Variants in ATP8B4 observed in about 807,000 individuals in gnomAD.
ATP8B4 encodes ATPase phospholipid transporting 8B4 (putative).
ATP8B4 carries 133 observed loss-of-function variants against 145.6 expected under a neutral mutation model. That is an observed-to-expected ratio of 0.91 (90% confidence interval 0.79 to 1.05). The LOEUF (loss-of-function observed/expected upper bound fraction) is 1.05. ATP8B4 is among the 50% of genes least tolerant of loss of function. ATP8B4 has a pLI of 0.00. For missense variants in ATP8B4, 1,458 were observed against 1,425.2 expected (o/e 1.02, Z -0.37); for synonymous variants, 507 against 492.9 (o/e 1.03, Z -0.38).
chr15:49,867,746 C>T (rs115223148), intron 25 of ATP8B4, among the ~76,000 whole-genome samples: 3,289 of 152,160 alleles, frequency 0.022, 127 homozygotes, highest in African/African-American at 0.076. Flanking sequence ...AGCACGATAA[C>T]AACAACAAAA....
chr15:50,156,424 C>T (rs1567410834), intron 1 of ATP8B4, among the ~76,000 whole-genome samples: 1 of 151,918 alleles, frequency 6.6e-6, no homozygotes. Context: ...TTTCCAAAAG[C>T]TCTTTAGGCA....
intron 14 of ATP8B4, among the ~76,000 whole-genome samples, chr15:49,960,827 TG>T (rs1158449896): frequency 1.3e-5 from 2 of 151,786 alleles, no homozygotes; most frequent in Non-Finnish European, 2.9e-5. Flanking sequence ...TAGAAGAAAA[TG>T]GGTAAAAAAA....
chr15:50,180,299 A>G (rs1160424933), intron 1 of ATP8B4, among the ~76,000 whole-genome samples: 1 of 152,220 alleles, frequency 6.6e-6, no homozygotes, highest in African/African-American at 2.4e-5. Context: ...CAAAAACCAG[A>G]GAGCCTGAAT....
At position 50,012,246 on chromosome 15, in the gene ATP8B4, T is replaced by A. The variant is rs149245450; in HGVS notation, c.363-1329A>T. On this transcript the variant is annotated intron_variant, in intron 6 of 27. Coordinates refer to ENST00000284509, the MANE Select transcript of ATP8B4 (RefSeq NM_024837.4). ...CCTAGAGACACCTCCTCTGGCACCT[T>A]AGTGACACTTCTCAGCAAACAGCAT... is the stretch of plus-strand genomic sequence containing the variant. Among the ~76,000 whole-genome samples, 6 of 152,264 alleles carry A rather than the reference T, an allele frequency of 3.9e-5. No homozygotes were observed. The East Asian group carries it at 9.6e-4, about 24-fold the overall frequency.
At chr15:49,879,337 A>G (rs746271986) in intron 24 of ATP8B4, 39 bp downstream of exon 24, 3 of 1,548,414 alleles carry the variant, frequency 1.9e-6, no homozygotes, top group Non-Finnish European at 1.8e-6. Context: ...AAAAGGCATA[A>G]AAGAGAAACT....
intron 1 of ATP8B4, among the ~76,000 whole-genome samples, chr15:50,144,260 G>T (rs1346765279): frequency 1.3e-5 from 2 of 152,176 alleles, no homozygotes; most frequent in African/African-American, 4.8e-5. Flanking sequence ...CAAAGGAGGG[G>T]AAGAGACGTG....
intron 14 of ATP8B4, among the ~76,000 whole-genome samples, chr15:49,952,498 C>A (rs2043192030): frequency 6.6e-6 from 1 of 152,090 alleles, no homozygotes; most frequent in South Asian, 2.1e-4. Flanking sequence ...GCTGTTGATA[C>A]TTGTGTATAT....
At chr15:49,985,351 C>T (rs186765707) in intron 10 of ATP8B4, among the ~76,000 whole-genome samples, 2,541 of 152,266 alleles carry the variant, frequency 0.017, 67 homozygotes, top group African/African-American at 0.059. Flanking sequence ...CCGCCTCAGC[C>T]TCCCAAAGTG....
intron 1 of ATP8B4, among the ~76,000 whole-genome samples, chr15:50,130,561 G>C (rs2057338893): frequency 6.6e-6 from 1 of 151,994 alleles, no homozygotes; most frequent in Admixed American, 6.6e-5. Flanking sequence ...CGGATCACAA[G>C]GTCAGGAGAT....
intron 1 of ATP8B4, among the ~76,000 whole-genome samples, chr15:50,118,056 T>C (rs1214635046): frequency 6.6e-6 from 1 of 152,054 alleles, no homozygotes. Context: ...AAACATACAG[T>C]CAGATAGAAG....
chr15:50,163,770 G>C (rs115470189), intron 1 of ATP8B4, among the ~76,000 whole-genome samples: 1 of 152,184 alleles, frequency 6.6e-6, no homozygotes, highest in South Asian at 2.1e-4. Flanking sequence ...CAGGAACCAG[G>C]ACCTAAAGTC....
At chr15:49,892,090 T>C (rs1023703377) in intron 23 of ATP8B4, among the ~76,000 whole-genome samples, 2 of 150,310 alleles carry the variant, frequency 1.3e-5, no homozygotes, top group Admixed American at 6.6e-5. Flanking sequence ...CACTCCAGCT[T>C]GGCAACAGAG....
intron 23 of ATP8B4, among the ~76,000 whole-genome samples, chr15:49,890,481 G>A (rs1288938876): frequency 6.6e-6 from 1 of 152,196 alleles, no homozygotes; most frequent in South Asian, 2.1e-4. Flanking sequence ...GGAAGTAAGT[G>A]GCTATCTAAG....
At chr15:50,069,784 G>A (rs1332515835) in intron 3 of ATP8B4, among the ~76,000 whole-genome samples, 1 of 152,124 alleles carries the variant, frequency 6.6e-6, no homozygotes, top group African/African-American at 2.4e-5. Flanking sequence ...TTTAGAATCT[G>A]GCCAGTCTGC....
chr15:49,958,456 T>C (rs1302944063), intron 14 of ATP8B4, among the ~76,000 whole-genome samples: 2 of 151,524 alleles, frequency 1.3e-5, no homozygotes, highest in African/African-American at 4.8e-5. Context: ...AAAAAATAAG[T>C]AAATCCAACA....
intron 14 of ATP8B4, among the ~76,000 whole-genome samples, chr15:49,942,018 A>G (rs2042199791): frequency 6.6e-6 from 1 of 152,196 alleles, no homozygotes; most frequent in African/African-American, 2.4e-5. Flanking sequence ...AGAGTGGTGT[A>G]ACAGACATTG....
intron 13 of ATP8B4, among the ~76,000 whole-genome samples, chr15:49,967,846 A>C (rs371148341): frequency 2.2e-4 from 34 of 152,336 alleles, no homozygotes; most frequent in East Asian, 1.7e-3. Context: ...GTTGAAATGA[A>C]GGAAAAAATG....
Position 49,999,363 on chromosome 15 carries a change from A to G in ATP8B4, c.507-2604T>C, listed in dbSNP as rs1245064867. Among the ~76,000 whole-genome samples the G allele has an allele frequency of 2.5e-5, 3 of 122,130 alleles. No homozygotes were observed. The Admixed American group carries it at 3.2e-4, about 13-fold the overall frequency. 80.1% of individuals were successfully genotyped at this position (122,130 alleles called of 152,430 possible). On this transcript the variant is annotated intron_variant, in intron 8 of 27. Coordinates refer to ENST00000284509, the MANE Select transcript of ATP8B4 (RefSeq NM_024837.4). ...AACACATGGACACAGGAAGGGGAAC[A>G]TCACACTCTGGGGACTGTTGTGGGG...
chr15:50,106,282 A>G (rs2056677140), intron 2 of ATP8B4, among the ~76,000 whole-genome samples: 3 of 152,174 alleles, frequency 2.0e-5, no homozygotes, highest in Admixed American at 2.0e-4. Flanking sequence ...GAAAAAGTAC[A>G]TAATAGCCTG....
Sources: allele counts gnomAD v4.1 joint callset (sites outside exome capture counted in the v4.1 genomes callset), GRCh38; gene constraint gnomAD v4.1.1; transcripts MANE v1.5; gene names NCBI Gene and HGNC (gene_info 2026-07-23, HGNC 2026-07-21).